SECISBP2: variants seen among roughly 807,000 people sequenced by gnomAD.
The protein encoded by SECISBP2 is SECIS binding protein 2, also known as selenocysteine insertion sequence-binding protein 2.
A neutral mutation model predicts 98.2 loss-of-function variants in SECISBP2; 96 were observed. The observed-to-expected ratio is 0.98, with a 90% confidence interval of 0.83 to 1.16. The LOEUF is 1.16. Among genes scored for constraint, SECISBP2 ranks in the 50% most tolerant of loss-of-function variants. The probability of loss-of-function intolerance (pLI) is 0.00; values close to 1 mark genes in which losing one functional copy is unlikely to be tolerated. For missense variants in SECISBP2, 1,046 were observed against 1,022.9 expected (o/e 1.02, Z -0.31); for synonymous variants, 407 against 370.2 (o/e 1.10, Z -1.14).
chr9:89,331,085 A>G (rs1277472124), intron 5 of SECISBP2, among the ~76,000 whole-genome samples: 1 of 152,240 alleles, frequency 6.6e-6, no homozygotes, highest in East Asian at 1.9e-4. Context: ...CAAAAAATAT[A>G]TATATTTGTC....
chr9:89,358,050 A>T lies in SECISBP2; in HGVS notation c.2320A>T (p.Lys774Ter). The change falls in exon 16 of 17, where the codon AAG (lysine) becomes TAG (stop). Residue 774 changes from lysine to a stop codon, truncating the protein, a stop_gained. Coordinates refer to ENST00000375807, the MANE Select transcript of SECISBP2 (RefSeq NM_024077.5). LOFTEE classifies it high-confidence loss of function. The part of the protein sequence containing the change: ...ELTVAARQAY[K>*]TMLENVQQEL... ...GACAGTGGCGGCCCGACAGGCGTAC[A>T]AGACCATGCTGGAGAATGTGCAGCA... The T allele has an allele frequency of 6.2e-7, 1 of 1,613,774 alleles. No homozygotes were observed. The highest frequency in any genetic ancestry group is 8.5e-7 in the Non-Finnish European group (1 of 1,180,018).
In SECISBP2 at chr9:89,339,887, G is replaced by A. The variant is rs1298436630; in HGVS notation, c.1236G>A (p.Leu412=). 1 of 1,613,648 alleles carries A rather than the reference G, an allele frequency of 6.2e-7. No individual in the cohort carries two copies. The highest frequency in any genetic ancestry group is 1.1e-5 in the South Asian group (1 of 91,062). The change falls in exon 9 of 17, where the codon CTG becomes CTA. Residue 412 remains leucine, a synonymous_variant. Coordinates refer to ENST00000375807, the MANE Select transcript of SECISBP2 (RefSeq NM_024077.5). ...RIEDAEEFPN[L]AVASERRDRI... is the part of the protein sequence containing the mutation. ...AGGATGCCGAGGAATTTCCCAACCT[G>A]GCAGTTGCATCTGAAAGAAGAGACA... is the stretch of plus-strand genomic sequence containing the variant.
downstream of SECISBP2, chr9:89,362,120 A>G (rs1407973591): frequency 1.7e-6 from 1 of 574,386 alleles, no homozygotes; most frequent in Non-Finnish European, 3.1e-6. Flanking sequence ...AAAGCCTGTT[A>G]GCCATCCTGG....
At chr9:89,324,502 CCTTT>C (rs1826350061) in intron 2 of SECISBP2, 1 of 152,150 alleles carries the variant, frequency 6.6e-6, no homozygotes, top group South Asian at 2.1e-4. Flanking sequence ...CTGTAGTCTC[CCTTT>C]CTTATTCAGT....
downstream of SECISBP2, chr9:89,363,941 T>C (rs1449460690): frequency 1.9e-6 from 3 of 1,614,030 alleles, no homozygotes; most frequent in South Asian, 3.3e-5. Context: ...AAAGCGAATG[T>C]CTGCAGGACC....
In SECISBP2 at chr9:89,334,725, C is replaced by T; in HGVS notation, c.1084C>T (p.Gln362Ter). The T allele has an allele frequency of 6.2e-7, 1 of 1,611,474 alleles. No homozygotes were observed. Among genetic ancestry groups the T allele is most frequent in the Non-Finnish European group, 8.5e-7 (1 of 1,178,756 alleles). ...NKEKHIIHPTQKSKASQGSDL... is the reference protein window; with the variant it reads ...NKEKHIIHPT The stretch of plus-strand genomic sequence containing the variant: ...AGAAAAACACATTATTCATCCTACC[C>T]AAAAGGTACGTGTCACTAGAGACAG... The change falls in exon 7 of 17, where the codon CAA becomes TAA. Residue 362 changes from glutamine to a stop codon, truncating the protein, a stop_gained. Coordinates refer to ENST00000375807, the MANE Select transcript of SECISBP2 (RefSeq NM_024077.5). LOFTEE classifies it high-confidence loss of function.
intron 4 of SECISBP2, 73 bp downstream of exon 4, chr9:89,326,111 C>T (rs1826658807): frequency 6.4e-7 from 1 of 1,554,654 alleles, no homozygotes; most frequent in Non-Finnish European, 8.8e-7. Flanking sequence ...GCTATGTATA[C>T]AGCTGTTTCT....
rs879000247 is a variant in SECISBP2, at chr9:89,359,253, C to T, written c.*429C>T. 101 of 281,086 alleles carry T rather than the reference C, an allele frequency of 3.6e-4. No homozygotes were observed. The highest frequency in any genetic ancestry group is 1.1e-3 in the African/African-American group (51 of 44,810). The allele number at this position is 281,086 out of a possible 1,614,324, so 17.4% of individuals were successfully genotyped here. A position where few individuals can be genotyped will look rare whatever the true frequency, so the allele number is the denominator to read the frequency against. On this transcript the variant is annotated 3_prime_UTR_variant, in exon 17 of 17. Coordinates refer to ENST00000375807, the MANE Select transcript of SECISBP2 (RefSeq NM_024077.5). Reference sequence around the variant, plus strand: ...GGCCATTCCTGCCCGGCAACAGCACCGTCCTGCAGGGAGCCACTTGGCAGA... The same window carrying T: ...GGCCATTCCTGCCCGGCAACAGCACTGTCCTGCAGGGAGCCACTTGGCAGA...
chr9:89,325,371 A>C, intron 2 of SECISBP2, 56 bp from the exon 3 acceptor site: 1 of 1,547,676 alleles, frequency 6.5e-7, no homozygotes, highest in East Asian at 2.2e-5. Flanking sequence ...TATTACAGAA[A>C]AGCTTCTTGG....
At chr9:89,351,273 TTGTTA>T (rs1365681243) in intron 14 of SECISBP2, among the ~76,000 whole-genome samples, 2 of 152,260 alleles carry the variant, frequency 1.3e-5, no homozygotes, top group Non-Finnish European at 2.9e-5. Flanking sequence ...ATCTGTTTGC[TTGTTA>T]CAGATGTGGC....
At chr9:89,357,748 G>A (rs1319899883) in intron 15 of SECISBP2, among the ~76,000 whole-genome samples, 183 bp downstream of exon 15, 3 of 152,208 alleles carry the variant, frequency 2.0e-5, no homozygotes, top group Non-Finnish European at 4.4e-5. Flanking sequence ...TGACATCATG[G>A]GTTGTCTGGT....
downstream of SECISBP2, among the ~76,000 whole-genome samples, chr9:89,360,636 C>T (rs977210846): frequency 2.0e-4 from 30 of 152,210 alleles, no homozygotes; most frequent in African/African-American, 7.0e-4. Flanking sequence ...ACTCTCATCA[C>T]ATGGTTGCCT....
chr9:89,355,917 A>G (rs1211180336), intron 14 of SECISBP2, among the ~76,000 whole-genome samples: 2 of 152,308 alleles, frequency 1.3e-5, no homozygotes, highest in Admixed American at 6.5e-5. Flanking sequence ...CACCTTGTTT[A>G]CACTATGGTA....
chr9:89,336,351 T>C (rs961908551), intron 7 of SECISBP2, among the ~76,000 whole-genome samples: 2 of 152,054 alleles, frequency 1.3e-5, no homozygotes, highest in African/African-American at 4.8e-5. Context: ...GTTACATTTT[T>C]ATTGATTCCT....
intron 14 of SECISBP2, among the ~76,000 whole-genome samples, chr9:89,353,242 A>C (rs562108166): frequency 6.6e-6 from 1 of 152,156 alleles, no homozygotes; most frequent in African/African-American, 2.4e-5. Context: ...TGCTTCTCCA[A>C]GGAGTGCACT....
chr9:89,318,708 C>T, intron 1 of SECISBP2, 96 bp downstream of exon 1: 1 of 1,282,482 alleles, frequency 7.8e-7, no homozygotes, highest in Non-Finnish European at 1.0e-6. Flanking sequence ...GTCCAGCGGG[C>T]GTGGGTCGGA....
intron 10 of SECISBP2, among the ~76,000 whole-genome samples, chr9:89,346,182 C>G (rs1285477952): frequency 1.3e-5 from 2 of 151,972 alleles, no homozygotes; most frequent in African/African-American, 4.8e-5. Flanking sequence ...TTTTCCAGAT[C>G]AAAAAGTGAG....
intron 5 of SECISBP2, chr9:89,332,441 A>C (rs553434903): frequency 4.8e-4 from 108 of 226,552 alleles, no homozygotes; most frequent in Admixed American, 3.0e-3. Flanking sequence ...GAGTGGTTTC[A>C]CTGCCCTAAA....
intron 9 of SECISBP2, 48 bp from the exon 10 acceptor site, chr9:89,341,297 GCA>G: frequency 1.3e-6 from 2 of 1,550,316 alleles, no homozygotes; most frequent in Non-Finnish European, 1.8e-6. Flanking sequence ...AAAAAGAAAA[GCA>G]CAGTTTGTAT....
Sources: allele counts gnomAD v4.1 joint callset (sites outside exome capture counted in the v4.1 genomes callset), GRCh38; gene constraint gnomAD v4.1.1; transcripts MANE v1.5; gene names NCBI Gene and HGNC (gene_info 2026-07-23, HGNC 2026-07-21).